Variants in RYR3 observed in about 807,000 individuals in gnomAD.
RYR3 encodes brain ryanodine receptor-calcium release channel.
A neutral mutation model predicts 584.3 loss-of-function variants in RYR3; 207 were observed. The observed-to-expected ratio is 0.35, with a 90% CI of 0.32 to 0.40. The LOEUF (loss-of-function observed/expected upper bound fraction) is 0.40, where lower values mean the gene tolerates loss of function less well. Ranked by LOEUF, RYR3 falls within the 10% of genes least tolerant of loss-of-function variation. RYR3 has a pLI of 1.00. For missense variants in RYR3, 5,616 were observed against 6,089.2 expected (o/e 0.92, Z 2.59); for synonymous variants, 2,416 against 2,248.5 (o/e 1.07, Z -2.11).
intron 67 of RYR3, 107 bp downstream of exon 67, chr15:33,788,565 G>C: frequency 7.9e-7 from 1 of 1,265,334 alleles, no homozygotes; most frequent in South Asian, 1.5e-5. Context: ...AGATAAAGGA[G>C]GCGATAGCCG....
At chr15:33,843,034 G>C (rs958396906) in intron 91 of RYR3, among the ~76,000 whole-genome samples, 3 of 152,020 alleles carry the variant, frequency 2.0e-5, no homozygotes, top group African/African-American at 7.2e-5. Context: ...AGAATGCCAG[G>C]GTTGGCCGGG....
chr15:33,592,300 C>T (rs1024311668), intron 16 of RYR3, among the ~76,000 whole-genome samples: 1 of 152,196 alleles, frequency 6.6e-6, no homozygotes, highest in Non-Finnish European at 1.5e-5. Flanking sequence ...TACAAGTCTC[C>T]TGGGGATCAT....
rs115454674 is a variant in RYR3, at chr15:33,742,148, G to A, written c.7821-218G>A. On this transcript the variant is annotated intron_variant, in intron 51 of 103. Transcript: ENST00000634891. The stretch of plus-strand genomic sequence containing the variant: ...TCCCAGCCAAGGCTCCTGCAGAGAT[G>A]TTCCATGGTTAGACTTGGGTGCGTC... Among the ~76,000 whole-genome samples the A allele has an allele frequency of 4.7e-3, 713 of 152,300 alleles. 4 individuals are homozygous for A. The highest frequency in any genetic ancestry group is 0.016 in the African/African-American group (683 of 41,570).
chr15:33,827,028 TG>T (rs990783897), intron 84 of RYR3, among the ~76,000 whole-genome samples, 170 bp from the exon 85 acceptor site: 25 of 152,008 alleles, frequency 1.6e-4, no homozygotes, highest in Non-Finnish European at 2.8e-4. Context: ...GTCCGCAGGT[TG>T]GGGGGGTGCT....
rs142472927 is a variant in RYR3, at chr15:33,401,449, TACATTCA to T, written c.52-71969_52-71963del. ...ATCCTCTGACAAGTCTTCCAAATCT[TACATTCA>T]GCATTCAGCACTATTCAGCGCCTAT... On this transcript the variant is annotated intron_variant, in intron 1 of 103. Transcript: ENST00000634891. Among the ~76,000 whole-genome samples, 394 of 152,310 alleles carry T rather than the reference TACATTCA, an allele frequency of 2.6e-3. 2 individuals are homozygous for T. Among genetic ancestry groups the T allele is most frequent in the African/African-American group, 8.9e-3 (370 of 41,576 alleles).
In RYR3 at chr15:33,593,314, G is replaced by A. The variant is rs1315479263; in HGVS notation, c.1788+7198G>A. Among the ~76,000 whole-genome samples the A allele has an allele frequency of 3.9e-4, 60 of 152,146 alleles. 2 individuals carry two copies. The highest frequency in any genetic ancestry group is 1.2e-4 in the Non-Finnish European group (8 of 68,002). ...GCATTTTACAAGAGAAGAGTCTCTG[G>A]TCTCAAGTTTCATCTGATCTCTCAT... On this transcript the variant is annotated intron_variant, in intron 16 of 103. Coordinates refer to ENST00000634891, the MANE Select transcript of RYR3 (RefSeq NM_001036.6).
At position 33,323,905 on chromosome 15, in the gene RYR3, A is replaced by G. The variant is rs181433103; in HGVS notation, c.51+12809A>G. Among the ~76,000 whole-genome samples the G allele has an allele frequency of 2.4e-3, 362 of 152,306 alleles. 5 individuals carry two copies. The highest frequency in any genetic ancestry group is 4.9e-4 in the Non-Finnish European group (33 of 68,030). On this transcript the variant is annotated intron_variant, in intron 1 of 103. Transcript: ENST00000634891. ...GGCAAATAACTCACAAAGCTGGAAG[A>G]GGCTCCCGGATCTAGTCTGAACTGC... is the stretch of plus-strand genomic sequence containing the variant.
chr15:33,482,480 C>T (rs541946058), intron 2 of RYR3, among the ~76,000 whole-genome samples: 10 of 152,164 alleles, frequency 6.6e-5, no homozygotes, highest in South Asian at 2.1e-4. Context: ...AGGGCAATGG[C>T]GCCATCTCCG....
chr15:33,788,127 G>T, intron 66 of RYR3, 91 bp from the exon 67 acceptor site: 1 of 1,523,036 alleles, frequency 6.6e-7, no homozygotes. Flanking sequence ...TGAGTCGATG[G>T]GATTCCACGG....
Position 33,365,437 on chromosome 15 carries a change from A to G in RYR3, c.51+54341A>G, listed in dbSNP as rs573642951. Among the ~76,000 whole-genome samples the G allele has an allele frequency of 3.3e-5, 5 of 152,330 alleles. No homozygotes were observed. In the South Asian group the frequency reaches 1.0e-3, roughly 32 times the overall value. ...GGAGGAGAAGTCATTTCCAGATTTA[A>G]AAGTGAAGTCAGTGGATGGTAAAGA... On this transcript the variant is annotated intron_variant, in intron 1 of 103. Coordinates refer to ENST00000634891, the MANE Select transcript of RYR3 (RefSeq NM_001036.6).
intron 11 of RYR3, among the ~76,000 whole-genome samples, 181 bp downstream of exon 11, chr15:33,563,191 G>C (rs2057506406): frequency 6.6e-6 from 1 of 152,132 alleles, no homozygotes; most frequent in African/African-American, 2.4e-5. Flanking sequence ...TGGATACTTT[G>C]ACCCCATGTT....
At chr15:33,416,348 C>G (rs1294997639) in intron 1 of RYR3, among the ~76,000 whole-genome samples, 4 of 152,172 alleles carry the variant, frequency 2.6e-5, no homozygotes, top group African/African-American at 9.6e-5. Flanking sequence ...CTTTTCTCTA[C>G]AACCTTGCCA....
At chr15:33,859,909 A>T (rs903378734) in intron 100 of RYR3, among the ~76,000 whole-genome samples, 178 bp downstream of exon 100, 1 of 152,200 alleles carries the variant, frequency 6.6e-6, no homozygotes, top group Non-Finnish European at 1.5e-5. Context: ...AAAGCCAAAT[A>T]CACACCCAGG....
At chr15:33,372,171 G>T (rs1431221099) in intron 1 of RYR3, among the ~76,000 whole-genome samples, 1 of 152,080 alleles carries the variant, frequency 6.6e-6, no homozygotes, top group African/African-American at 2.4e-5. Context: ...TGAAGAAACA[G>T]GTTTTGATAT....
chr15:33,693,955 G>T (rs2065638138), intron 38 of RYR3, among the ~76,000 whole-genome samples: 1 of 152,122 alleles, frequency 6.6e-6, no homozygotes, highest in African/African-American at 2.4e-5. Flanking sequence ...GAGGACAAAG[G>T]GGTGGAAACG....
chr15:33,693,474 C>T (rs1426815108), intron 38 of RYR3, among the ~76,000 whole-genome samples: 1 of 152,230 alleles, frequency 6.6e-6, no homozygotes, highest in African/African-American at 2.4e-5. Context: ...GACAAAGCTT[C>T]TGTTGAATTC....
intron 101 of RYR3, 42 bp downstream of exon 101, chr15:33,860,701 TC>T (rs1362967059): frequency 1.5e-6 from 2 of 1,360,256 alleles, no homozygotes; most frequent in Non-Finnish European, 2.0e-6. Flanking sequence ...TATTTTAATA[TC>T]CCCAGAAGCA....
At chr15:33,339,748 G>C (rs1354279096) in intron 1 of RYR3, among the ~76,000 whole-genome samples, 7 of 152,128 alleles carry the variant, frequency 4.6e-5, no homozygotes, top group Non-Finnish European at 8.8e-5. Flanking sequence ...AATTAGTCGG[G>C]TGTAGTGGTG....
intron 1 of RYR3, among the ~76,000 whole-genome samples, chr15:33,357,431 G>T (rs920215538): frequency 5.9e-5 from 9 of 152,118 alleles, no homozygotes; most frequent in Admixed American, 3.9e-4. Flanking sequence ...GTCACCCTTT[G>T]TCACCCTCAC....
Sources: allele counts gnomAD v4.1 joint callset (sites outside exome capture counted in the v4.1 genomes callset), GRCh38; gene constraint gnomAD v4.1.1; transcripts MANE v1.5; gene names NCBI Gene and HGNC (gene_info 2026-07-23, HGNC 2026-07-21).